Variants in CELF2 observed in about 807,000 individuals in gnomAD.
The protein encoded by CELF2 is CUG triplet repeat RNA-binding protein 2.
CELF2 carries 8 observed loss-of-function variants against 62.6 expected under a neutral mutation model. That is an observed-to-expected ratio of 0.13 (90% CI 0.07 to 0.23). The LOEUF is 0.23. Among genes scored for constraint, CELF2 ranks in the 10% least tolerant of loss-of-function variants. CELF2 has a pLI of 1.00. For missense variants in CELF2, 333 were observed against 671.0 expected (o/e 0.50, Z 5.56); for synonymous variants, 258 against 250.0 (o/e 1.03, Z -0.30).
the CELF2 span, among the ~76,000 whole-genome samples, chr10:10,685,753 G>C: frequency 6.6e-6 from 1 of 152,194 alleles, no homozygotes; most frequent in Admixed American, 6.5e-5. Flanking sequence ...AAGTGTGAAA[G>C]AGTCTGTTTT....
intron 1 of CELF2, among the ~76,000 whole-genome samples, chr10:11,086,249 A>G (rs1437478558): frequency 6.6e-6 from 1 of 152,064 alleles, no homozygotes; most frequent in Non-Finnish European, 1.5e-5. Context: ...GAATCTCCCC[A>G]GTTGAGCAGG....
chr10:10,821,674 C>G (rs1218324091), intron 1 of CELF2, among the ~76,000 whole-genome samples: 1 of 152,156 alleles, frequency 6.6e-6, no homozygotes, highest in East Asian at 1.9e-4. Flanking sequence ...AGGATCATGT[C>G]TTGCTCTGTT....
the CELF2 span, among the ~76,000 whole-genome samples, chr10:10,686,021 C>T: frequency 1.3e-5 from 2 of 152,086 alleles, no homozygotes; most frequent in African/African-American, 2.4e-5. Context: ...ATGGCAGCTA[C>T]GCAAACCGCA....
rs1221861920 is a variant in CELF2 at position 11,112,859 on chromosome 10, CCTGA to C, written c.75-52622_75-52619del. On this transcript the variant is annotated intron_variant, in intron 1 of 12. Transcript: ENST00000633077. ...CGTAGCCCATATCCGAAGCTTGTGT[CCTGA>C]CTGAGTCATGAGTAAACGCATTGCA... Among the ~76,000 whole-genome samples, 3 of 152,188 alleles carry C rather than the reference CCTGA, an allele frequency of 2.0e-5. No homozygotes were observed. The South Asian group carries it at 6.2e-4, about 32-fold the overall frequency.
At chr10:10,743,371 A>T in the CELF2 span, among the ~76,000 whole-genome samples, 1 of 152,238 alleles carries the variant, frequency 6.6e-6, no homozygotes, top group Non-Finnish European at 1.5e-5. Flanking sequence ...TACACACAAT[A>T]ATACAGTTTT....
Position 11,329,029 on chromosome 10 carries a change from C to G in CELF2, c.1542C>G (p.Ser514=), listed in dbSNP as rs776651126. 9 of 1,598,104 alleles carry G rather than the reference C, an allele frequency of 5.6e-6. No individual in the cohort carries two copies. The highest frequency in any genetic ancestry group is 7.7e-6 in the Non-Finnish European group (9 of 1,169,834). The change falls in exon 13 of 13, where the codon TCC becomes TCG. Residue 514 remains serine (S), a synonymous_variant. Coordinates refer to ENST00000633077, the MANE Select transcript of CELF2 (RefSeq NM_001326342.2). This position sits in a 1 kb window ranked among gnomAD's most constrained non-coding sequence, Gnocchi z 5.5. ...MKRLKVQLKR[S]KNDSKPY The stretch of plus-strand genomic sequence containing the variant: ...GCTTGAAGGTGCAGCTGAAGCGTTC[C>G]AAAAACGACAGCAAACCTTACTGAT...
chr10:10,594,805 A>G, the CELF2 span, among the ~76,000 whole-genome samples: 1 of 152,100 alleles, frequency 6.6e-6, no homozygotes, highest in African/African-American at 2.4e-5. Context: ...AAGAGGTCAG[A>G]AAATCTTCCA....
At chr10:10,637,421 A>G in the CELF2 span, among the ~76,000 whole-genome samples, 1 of 152,318 alleles carries the variant, frequency 6.6e-6, no homozygotes, top group South Asian at 2.1e-4. Context: ...TTAGCCTCCC[A>G]GACAGAATTA....
Position 11,005,337 on chromosome 10 carries a change from GT to G in CELF2, c.-48del. 6.2e-7 allele frequency: 1 copy of G among 1,612,324 alleles called. No individual in the cohort carries two copies. Among genetic ancestry groups the G allele is most frequent in the Non-Finnish European group, 8.5e-7 (1 of 1,179,018 alleles). Reference sequence around the variant, plus strand: ...AGTGAGCAGCGACTGTGGCATTGATGTTTGAGCATACTTCTGAACTGGCTTT... The same window carrying G: ...AGTGAGCAGCGACTGTGGCATTGATGTTGAGCATACTTCTGAACTGGCTTT... On this transcript the variant is annotated 5_prime_UTR_variant, in exon 1 of 13. Coordinates refer to the CELF2 transcript ENST00000416382. This position sits in a 1 kb window ranked among gnomAD's most constrained non-coding sequence, Gnocchi z 4.3.
chr10:10,579,256 C>T, the CELF2 span, among the ~76,000 whole-genome samples: 5 of 152,152 alleles, frequency 3.3e-5, no homozygotes, highest in African/African-American at 1.2e-4. Context: ...TATGGATTTG[C>T]ATCTTGGAGT....
chr10:10,607,308 T>A, the CELF2 span, among the ~76,000 whole-genome samples: 1 of 151,178 alleles, frequency 6.6e-6, no homozygotes, highest in Non-Finnish European at 1.5e-5. Flanking sequence ...AAGAAAATGT[T>A]AAAAAAAAAT....
intron 1 of CELF2, among the ~76,000 whole-genome samples, chr10:11,088,762 G>T (rs2047506956): frequency 6.6e-6 from 1 of 152,336 alleles, no homozygotes; most frequent in African/African-American, 2.4e-5. Flanking sequence ...ACAGGGCACA[G>T]AGATGGTGGA....
chr10:10,669,227 T>C, the CELF2 span, among the ~76,000 whole-genome samples: 2 of 152,202 alleles, frequency 1.3e-5, no homozygotes, highest in Non-Finnish European at 2.9e-5. Flanking sequence ...GCCTACAAAA[T>C]AGAGATTAAA....
At chr10:11,248,996 C>T (rs1210891126) in intron 3 of CELF2, among the ~76,000 whole-genome samples, 157 bp from the exon 4 acceptor site, 2 of 152,246 alleles carry the variant, frequency 1.3e-5, no homozygotes, top group African/African-American at 4.8e-5. Flanking sequence ...ACAGAAAATA[C>T]AGGCTTACTT....
chr10:11,199,370 G>A (rs1279693229), intron 2 of CELF2, among the ~76,000 whole-genome samples: 2 of 152,172 alleles, frequency 1.3e-5, no homozygotes, highest in Admixed American at 1.3e-4. Flanking sequence ...CCTCTAGGCA[G>A]ACACTCTGTT....
At chr10:10,659,174 G>T in the CELF2 span, among the ~76,000 whole-genome samples, 1 of 152,082 alleles carries the variant, frequency 6.6e-6, no homozygotes, top group Non-Finnish European at 1.5e-5. Context: ...TTGCTCCTTC[G>T]TTTTTCTTGA....
upstream of CELF2, among the ~76,000 whole-genome samples, chr10:10,793,432 G>A (rs576148573): frequency 7.8e-4 from 119 of 152,280 alleles, no homozygotes; most frequent in African/African-American, 2.8e-3. Context: ...TTTTTACAGT[G>A]GGAGCTGATG....
the CELF2 span, among the ~76,000 whole-genome samples, chr10:10,466,458 A>G: frequency 2.6e-5 from 4 of 152,198 alleles, no homozygotes; most frequent in East Asian, 7.7e-4. Context: ...TCACCTGTGG[A>G]TGAACATTTG....
At chr10:11,143,808 T>C (rs1392012038) in intron 1 of CELF2, among the ~76,000 whole-genome samples, 2 of 152,254 alleles carry the variant, frequency 1.3e-5, no homozygotes, top group East Asian at 1.9e-4. Context: ...TTTATTCTCA[T>C]CTTTTATTAA....
Sources: gnomAD v4.1 joint callset for allele counts (sites outside exome capture counted in the v4.1 genomes callset) on GRCh38, gnomAD v4.1.1 for gene constraint, Gnocchi (gnomAD v3.1) non-coding constraint, MANE v1.5 for transcripts, NCBI Gene and HGNC (gene_info 2026-07-23, HGNC 2026-07-21) for gene names.